CELF1: variants seen among roughly 807,000 people sequenced by gnomAD.
CELF1 encodes the protein CUGBP Elav-like family member 1, also known as 50 kDa nuclear polyadenylated RNA-binding protein.
In CELF1, 10 loss-of-function variants were observed where a neutral mutation model predicts 61.8. That is an observed-to-expected ratio of 0.16 (90% CI 0.10 to 0.27). The LOEUF is 0.27. Among genes scored for constraint, CELF1 ranks in the 10% least tolerant of loss-of-function variants. CELF1 has a pLI of 1.00. For synonymous variants in CELF1, 236 were observed against 225.1 expected (o/e 1.05, Z -0.43); for missense variants, 380 against 639.1 (o/e 0.59, Z 4.37).
intron 1 of CELF1, among the ~76,000 whole-genome samples, chr11:47,525,494 T>G (rs34958982): frequency 6.6e-6 from 1 of 152,008 alleles, no homozygotes; most frequent in Non-Finnish European, 1.5e-5. Flanking sequence ...TCCCCCCTTA[T>G]AGAGATGGGG....
intron 3 of CELF1, among the ~76,000 whole-genome samples, chr11:47,495,608 T>G (rs1338701128): frequency 2.0e-5 from 3 of 152,184 alleles, no homozygotes; most frequent in Non-Finnish European, 4.4e-5. Flanking sequence ...AAAAGTCATG[T>G]TGCAACCAAA....
At chr11:47,493,517 A>AG in intron 3 of CELF1, among the ~76,000 whole-genome samples, 1 of 145,538 alleles carries the variant, frequency 6.9e-6, no homozygotes, top group African/African-American at 2.7e-5. Flanking sequence ...CAAAAAGAAA[A>AG]AAAAAAAAAA....
chr11:47,490,523 T>C (rs141913318), intron 3 of CELF1, among the ~76,000 whole-genome samples: 2,462 of 150,602 alleles, frequency 0.016, 37 homozygotes, highest in Non-Finnish European at 0.025. Flanking sequence ...TCCTCCCAGG[T>C]TCAAGCAATT....
Position 47,486,739 on chromosome 11 carries a change from C to A in CELF1, c.391+11G>T, listed in dbSNP as rs1369877159. ...GAAATCTTAAGGGGAAGATTGTATA[C>A]ATTTGCTTACCATTGTTCTTCTCAC... On this transcript the variant is annotated intron_variant, in intron 6 of 14. Transcript: ENST00000687097. 1.2e-6 allele frequency: 2 copies of A among 1,609,746 alleles called. No individual in the cohort carries two copies. The highest frequency in any genetic ancestry group is 1.7e-6 in the Non-Finnish European group (2 of 1,175,976).
chr11:47,506,844 T>C (rs1356832384), intron 1 of CELF1: 1 of 152,202 alleles, frequency 6.6e-6, no homozygotes, highest in Non-Finnish European at 1.5e-5. Flanking sequence ...ACCCATTCAG[T>C]AGTTAGCCCA....
intron 1 of CELF1, among the ~76,000 whole-genome samples, chr11:47,550,924 A>G (rs1170889613): frequency 6.6e-6 from 1 of 152,148 alleles, no homozygotes; most frequent in Admixed American, 6.6e-5. Context: ...TTGTGTAACC[A>G]GTAAATGACA....
chr11:47,476,526 T>G (rs536228641), intron 12 of CELF1, among the ~76,000 whole-genome samples: 2 of 151,682 alleles, frequency 1.3e-5, no homozygotes, highest in Non-Finnish European at 2.9e-5. Flanking sequence ...CCCCGGTTCA[T>G]GCCATTCTCC....
At position 47,544,224 on chromosome 11, in the gene CELF1, G is replaced by C. The variant is rs2153735330; in HGVS notation, c.-154+8768C>G. 1.3e-5 allele frequency among the ~76,000 whole-genome samples: 2 copies of C among 152,274 alleles called. 1 individual carries two copies. The highest frequency in any genetic ancestry group is 4.1e-4 in the South Asian group (2 of 4,834). On this transcript the variant is annotated intron_variant, in intron 1 of 14. Coordinates refer to ENST00000687097, the MANE Select transcript of CELF1 (RefSeq NM_001376376.1). ...TGCTCATCTATGTATGGCACTCCTAGGCAGTTCACCTGTGTTATTTATTTC... is the reference window on the plus strand; with the variant it reads ...TGCTCATCTATGTATGGCACTCCTACGCAGTTCACCTGTGTTATTTATTTC...
intron 1 of CELF1, among the ~76,000 whole-genome samples, chr11:47,544,462 T>C (rs984382608): frequency 2.6e-5 from 4 of 152,168 alleles, no homozygotes; most frequent in African/African-American, 7.2e-5. Flanking sequence ...GTACCCCAAA[T>C]CCACTGTCCC....
At chr11:47,486,283 A>G (rs2087001959) in intron 6 of CELF1, among the ~76,000 whole-genome samples, 1 of 151,848 alleles carries the variant, frequency 6.6e-6, no homozygotes, top group Non-Finnish European at 1.5e-5. Context: ...CAATGTTCTT[A>G]TAATATTTCT....
chr11:47,484,391 C>T lies in CELF1; in HGVS notation c.524G>A (p.Arg175Gln), dbSNP rs2085362505. ...ATTTAAAAGCTAAAACTACCTACCTCGGCTCAGGCCATCAGGTCCCCGCAA... is the reference window on the plus strand; with the variant it reads ...ATTTAAAAGCTAAAACTACCTACCTTGGCTCAGGCCATCAGGTCCCCGCAA... ...RILRGPDGLS[R>Q]GCAFVTFTTR... The change falls in exon 7 of 15, where the codon CGA becomes CAA. Residue 175 changes from arginine (R) to glutamine (Q), a missense_variant and splice_region_variant. Arg to Gln is a conservative substitution (Grantham distance 43). Transcript: ENST00000687097. 1.2e-6 allele frequency: 2 copies of T among 1,610,888 alleles called. No homozygotes were observed. Among genetic ancestry groups the T allele is most frequent in the Non-Finnish European group, 1.7e-6 (2 of 1,179,164 alleles).
chr11:47,547,065 CAAAAAAAAAAAA>C lies in CELF1; in HGVS notation c.-154+5915_-154+5926del, dbSNP rs61222771. Among the ~76,000 whole-genome samples the C allele has an allele frequency of 1.9e-3, 75 of 39,976 alleles. 1 individual carries two copies. The highest frequency in any genetic ancestry group is 9.8e-3 in the African/African-American group (65 of 6,628). 26.2% of individuals were successfully genotyped at this position (39,976 alleles called of 152,430 possible). ...GGGCAACAAAAGCGAAACTCCACCT[CAAAAAAAAAAAA>C]AAAAAAAAAAAAAAAAGAAAGAAAG... On this transcript the variant is annotated intron_variant, in intron 1 of 14. Transcript: ENST00000687097.
chr11:47,529,467 A>G (rs2096386171), intron 1 of CELF1, among the ~76,000 whole-genome samples: 1 of 152,120 alleles, frequency 6.6e-6, no homozygotes, highest in Non-Finnish European at 1.5e-5. Flanking sequence ...CGAGAAGATC[A>G]CATGAGGCCA....
At chr11:47,544,925 G>A (rs943153731) in intron 1 of CELF1, among the ~76,000 whole-genome samples, 1 of 152,116 alleles carries the variant, frequency 6.6e-6, no homozygotes, top group South Asian at 2.1e-4. Context: ...TGGTGCCACT[G>A]CACTCCAGCC....
chr11:47,529,722 G>A (rs2096397676), intron 1 of CELF1, among the ~76,000 whole-genome samples: 1 of 152,094 alleles, frequency 6.6e-6, no homozygotes, highest in Non-Finnish European at 1.5e-5. Context: ...TGGGGAGGCT[G>A]AGGCAGGAGA....
intron 3 of CELF1, among the ~76,000 whole-genome samples, chr11:47,489,851 A>G (rs1435693674): frequency 6.6e-6 from 1 of 151,226 alleles, no homozygotes; most frequent in Non-Finnish European, 1.5e-5. Flanking sequence ...AGCTATTTTA[A>G]TACCTTCATT....
At chr11:47,541,857 CG>C (rs2096814250) in intron 1 of CELF1, among the ~76,000 whole-genome samples, 1 of 151,018 alleles carries the variant, frequency 6.6e-6, no homozygotes, top group South Asian at 2.1e-4. Context: ...ACTGACCCTT[CG>C]AAATTAAAAG....
chr11:47,551,264 T>C lies in CELF1; in HGVS notation c.-154+1728A>G, dbSNP rs539941677. 9.8e-5 allele frequency among the ~76,000 whole-genome samples: 15 copies of C among 152,308 alleles called. No individual in the cohort carries two copies. The South Asian group carries it at 2.9e-3, about 29-fold the overall frequency. On this transcript the variant is annotated intron_variant, in intron 1 of 14. Transcript: ENST00000687097. Reference sequence around the variant, plus strand: ...TGAATAGAAGTTGAGGCCTGTGATCTGGGCCAAAGGCCATTCTTAATGGAA... The same window carrying C: ...TGAATAGAAGTTGAGGCCTGTGATCCGGGCCAAAGGCCATTCTTAATGGAA...
intron 1 of CELF1, among the ~76,000 whole-genome samples, chr11:47,503,640 T>C (rs1188772958): frequency 6.6e-6 from 1 of 152,220 alleles, no homozygotes; most frequent in Non-Finnish European, 1.5e-5. Flanking sequence ...AGAAAAAAAG[T>C]AAGCAATTGA....
Sources: gnomAD v4.1 joint callset for allele counts (sites outside exome capture counted in the v4.1 genomes callset) on GRCh38, gnomAD v4.1.1 for gene constraint, MANE v1.5 for transcripts, NCBI Gene and HGNC (gene_info 2026-07-23, HGNC 2026-07-21) for gene names.